ABCA13: variants seen among roughly 807,000 people sequenced by gnomAD.
ABCA13 encodes the protein ATP binding cassette subfamily A member 13, also known as ATP-binding cassette sub-family A member 13.
In ABCA13, 476 loss-of-function variants were observed where a neutral mutation model predicts 478.7. The observed-to-expected ratio is 0.99, with a 90% CI of 0.92 to 1.07. The LOEUF (loss-of-function observed/expected upper bound fraction) is 1.07, where lower values mean the gene tolerates loss of function less well. Among genes scored for constraint, ABCA13 ranks in the 50% least tolerant of loss-of-function variants. The probability of loss-of-function intolerance (pLI) is 0.00; values close to 1 mark genes in which losing one functional copy is unlikely to be tolerated. For missense variants in ABCA13, 6,060 were observed against 5,910.6 expected, an observed-to-expected ratio of 1.03 and a Z score of -0.83; for synonymous variants, 2,252 against 2,158.9, an observed-to-expected ratio of 1.04 and a Z score of -1.20.
chr7:48,280,001 A>G, intron 18 of ABCA13, 81 bp downstream of exon 18: 1 of 1,366,228 alleles, frequency 7.3e-7, no homozygotes, highest in Non-Finnish European at 9.5e-7. Context: ...ATTACAGTGA[A>G]TCGGGGTAAG....
In ABCA13 at chr7:48,520,195, T is replaced by C; in HGVS notation, c.13952T>C (p.Met4651Thr). 6.2e-7 allele frequency: 1 copy of C among 1,613,694 alleles called. No homozygotes were observed. Among genetic ancestry groups the C allele is most frequent in the South Asian group, 1.1e-5 (1 of 91,074 alleles). Residue 4651 changes from methionine (M) to threonine (T), a missense_variant, in exon 53 of 62, where the codon ATG becomes ACG. Transcript: ENST00000435803. ...GIDSYVSPFE[M>T]NFLGWIFVQL... ...GATTCCTATGTGAGTCCCTTTGAGA[T>C]GAACTTTCTGGGCTGGATCTTCGTG...
At chr7:48,317,103 A>G in intron 26 of ABCA13, 54 bp from the exon 27 acceptor site, 1 of 1,556,682 alleles carries the variant, frequency 6.4e-7, no homozygotes, top group South Asian at 1.2e-5. Flanking sequence ...TTTCCCTATT[A>G]ACCTAGGCAT....
chr7:48,628,381 T>A (rs1451260862), intron 59 of ABCA13, among the ~76,000 whole-genome samples: 1 of 152,218 alleles, frequency 6.6e-6, no homozygotes, highest in Non-Finnish European at 1.5e-5. Flanking sequence ...CCTTTCTTTC[T>A]TCCTTTTACT....
At chr7:48,184,135 C>T (rs1046849948) in intron 1 of ABCA13, among the ~76,000 whole-genome samples, 4 of 152,008 alleles carry the variant, frequency 2.6e-5, no homozygotes, top group Admixed American at 1.3e-4. Context: ...TACATTGTCC[C>T]GAATTGGTGG....
intron 29 of ABCA13, among the ~76,000 whole-genome samples, chr7:48,347,698 C>G (rs1808327311): frequency 6.6e-6 from 1 of 152,190 alleles, no homozygotes; most frequent in Non-Finnish European, 1.5e-5. Context: ...GGAAAGTCCC[C>G]TGCCACACAG....
At chr7:48,541,957 G>A (rs1410730915) in intron 55 of ABCA13, among the ~76,000 whole-genome samples, 2 of 150,428 alleles carry the variant, frequency 1.3e-5, no homozygotes, top group Admixed American at 6.6e-5. Context: ...TAAAAATAAT[G>A]GCCATTATGC....
At position 48,423,401 on chromosome 7, in the gene ABCA13, G is replaced by A. The variant is rs145224352; in HGVS notation, c.12460-4365G>A. Reference sequence around the variant, plus strand: ...TTGGTCAGCTTCAAAAATTTCTCTAGCATCTAAGCAAAAAAGTACCTTGCA... The same window carrying A: ...TTGGTCAGCTTCAAAAATTTCTCTAACATCTAAGCAAAAAAGTACCTTGCA... On this transcript the variant is annotated intron_variant, in intron 41 of 61. Coordinates refer to ENST00000435803, the MANE Select transcript of ABCA13 (RefSeq NM_152701.5). Among the ~76,000 whole-genome samples, 618 of 152,236 alleles carry A rather than the reference G, an allele frequency of 4.1e-3. 3 individuals are homozygous for A. The highest frequency in any genetic ancestry group is 0.013 in the African/African-American group (534 of 41,538).
At position 48,278,189 on chromosome 7, in the gene ABCA13, TA is replaced by T; in HGVS notation, c.6998del (p.Lys2333ArgfsTer7). On this transcript the variant is annotated frameshift_variant, in exon 18 of 62. Transcript: ENST00000435803. LOFTEE classifies it high-confidence loss of function. ...AGATTGATGAACATTTTTTCAAGTTTAAAGGAGACTATATATCACCTAATGA... is the reference window on the plus strand; with the variant it reads ...AGATTGATGAACATTTTTTCAAGTTTAAGGAGACTATATATCACCTAATGA... ...QDRLMNIFSS[L>X]KETIYHLMKS... is the part of the protein sequence containing the mutation. 6.3e-7 allele frequency: 1 copy of T among 1,582,658 alleles called. No individual in the cohort carries two copies. The highest frequency in any genetic ancestry group is 1.8e-5 in the Admixed American group (1 of 55,542).
At chr7:48,590,174 C>T (rs1368968736) in intron 57 of ABCA13, among the ~76,000 whole-genome samples, 1 of 152,028 alleles carries the variant, frequency 6.6e-6, no homozygotes, top group African/African-American at 2.4e-5. Context: ...CCATGCATGG[C>T]TTATTTCACT....
rs1796783438 is a variant in ABCA13 at position 48,279,794 on chromosome 7, A to G, written c.8600A>G (p.Glu2867Gly). The G allele has an allele frequency of 6.2e-7, 1 of 1,604,814 alleles. No homozygotes were observed. Among genetic ancestry groups the G allele is most frequent in the Non-Finnish European group, 8.5e-7 (1 of 1,177,520 alleles). Residue 2867 changes from glutamate to glycine, a missense_variant, in exon 18 of 62, where the codon GAG (glutamate) becomes GGG (glycine). Glu to Gly is a moderately conservative substitution (Grantham distance 98). This residue lies in a region of ABCA13 where 4,423 missense variants were observed against 4,309.1 expected (regional missense o/e 1.03). Transcript: ENST00000435803. Reference sequence around the variant, plus strand: ...AAGAATGTCACATCAGAAAAAGAAGAGAGAACCAAGAAAGAGATGATTGAC... The same window carrying G: ...AAGAATGTCACATCAGAAAAAGAAGGGAGAACCAAGAAAGAGATGATTGAC... The part of the protein sequence containing the change: ...TGKNVTSEKE[E>G]RTKKEMIDFP...
At chr7:48,356,667 G>A (rs1186755361) in intron 31 of ABCA13, among the ~76,000 whole-genome samples, 1 of 151,888 alleles carries the variant, frequency 6.6e-6, no homozygotes, top group African/African-American at 2.4e-5. Flanking sequence ...AGCAGCTCAT[G>A]GAACTAATGT....
At chr7:48,192,136 T>C (rs1246449032) in intron 1 of ABCA13, among the ~76,000 whole-genome samples, 1 of 151,858 alleles carries the variant, frequency 6.6e-6, no homozygotes, top group African/African-American at 2.4e-5. Context: ...ATTAATTTTA[T>C]GACAATTGAG....
chr7:48,309,852 TTGGGCGACTCCC>T (rs1186342477), intron 23 of ABCA13, 83 bp from the exon 24 acceptor site: 1 of 1,433,890 alleles, frequency 7.0e-7, no homozygotes, highest in African/African-American at 1.4e-5. Flanking sequence ...AAATCCACTC[TTGGGCGACTCCC>T]TGCCGATGAA....
intron 51 of ABCA13, among the ~76,000 whole-genome samples, chr7:48,516,463 A>G (rs1413538507): frequency 6.6e-6 from 1 of 152,130 alleles, no homozygotes; most frequent in African/African-American, 2.4e-5. Flanking sequence ...ATGGCCCCAA[A>G]GTGCTAGAGT....
At chr7:48,386,191 G>T (rs1004603195) in intron 35 of ABCA13, among the ~76,000 whole-genome samples, 3 of 152,106 alleles carry the variant, frequency 2.0e-5, no homozygotes, top group African/African-American at 7.2e-5. Flanking sequence ...CAAGGTGAAA[G>T]ATCTCTACAA....
At chr7:48,296,490 C>T (rs568400259) in intron 21 of ABCA13, among the ~76,000 whole-genome samples, 12 of 148,570 alleles carry the variant, frequency 8.1e-5, no homozygotes, top group South Asian at 6.4e-4. Flanking sequence ...GATGGAGTCT[C>T]GCTCTGTTGC....
chr7:48,192,291 G>A (rs1797210237), intron 1 of ABCA13, among the ~76,000 whole-genome samples: 1 of 151,914 alleles, frequency 6.6e-6, no homozygotes, highest in Non-Finnish European at 1.5e-5. Flanking sequence ...GTTGTACAAA[G>A]TATTGCAATC....
At chr7:48,305,898 G>C (rs1181004740) in intron 23 of ABCA13, among the ~76,000 whole-genome samples, 1 of 152,138 alleles carries the variant, frequency 6.6e-6, no homozygotes. Flanking sequence ...AAATCAGCAG[G>C]AACTTGGCAT....
chr7:48,173,046 A>G (rs1403171154), intron 1 of ABCA13, among the ~76,000 whole-genome samples: 3 of 152,166 alleles, frequency 2.0e-5, no homozygotes, highest in African/African-American at 7.2e-5. Flanking sequence ...ATCTACCTCA[A>G]AACAGTTCAG....
Sources: allele counts gnomAD v4.1 joint callset (sites outside exome capture counted in the v4.1 genomes callset), GRCh38; gene constraint gnomAD v4.1.1; regional missense constraint gnomAD v4.1.1; transcripts MANE v1.5; gene names NCBI Gene and HGNC (gene_info 2026-07-23, HGNC 2026-07-21).